RPS6KC1: variants seen among roughly 807,000 people sequenced by gnomAD.
RPS6KC1 encodes the protein inactive ribosomal protein S6 kinase delta-1.
Under a neutral mutation model 103.8 loss-of-function variants are expected in RPS6KC1, and 54 were observed. The ratio of observed to expected loss-of-function variants is 0.52; its 90% CI spans 0.42 to 0.65. The LOEUF is 0.65. Ranked by LOEUF, RPS6KC1 falls within the 30% of genes least tolerant of loss-of-function variation. The pLI, the probability that RPS6KC1 is intolerant of heterozygous loss-of-function variation, is 0.00. For missense variants in RPS6KC1, 1,151 were observed against 1,253.8 expected, an observed-to-expected ratio of 0.92 and a Z score of 1.24; for synonymous variants, 439 against 438.7, an observed-to-expected ratio of 1.00 and a Z score of -0.01.
At chr1:213,073,228 G>A (rs2079032639) in intron 2 of RPS6KC1, among the ~76,000 whole-genome samples, 1 of 152,010 alleles carries the variant, frequency 6.6e-6, no homozygotes, top group African/African-American at 2.4e-5. Flanking sequence ...TTATTCATTT[G>A]TTACTGCTTT....
At chr1:213,557,496 G>T in the RPS6KC1 span, among the ~76,000 whole-genome samples, 2 of 152,168 alleles carry the variant, frequency 1.3e-5, no homozygotes, top group Admixed American at 1.3e-4. Flanking sequence ...TGGGACCCTG[G>T]GATTAACTCC....
the RPS6KC1 span, among the ~76,000 whole-genome samples, chr1:213,604,519 C>A: frequency 6.6e-6 from 1 of 152,236 alleles, no homozygotes; most frequent in African/African-American, 2.4e-5. Flanking sequence ...TGTCATTGAA[C>A]CCCCGCCCTG....
rs543068720 is a variant in RPS6KC1, at chr1:213,084,213, A to G, written c.262+6397A>G. On this transcript the variant is annotated intron_variant, in intron 3 of 14. Coordinates refer to ENST00000366960, the MANE Select transcript of RPS6KC1 (RefSeq NM_012424.6). Reference sequence around the variant, plus strand: ...TTTCTCCCCCAGCACACACATATAAAATATATGCACGTAATTTTACATTAT... The same window carrying G: ...TTTCTCCCCCAGCACACACATATAAGATATATGCACGTAATTTTACATTAT... Among the ~76,000 whole-genome samples the G allele has an allele frequency of 2.0e-5, 3 of 151,922 alleles. No homozygotes were observed. In the South Asian group the frequency reaches 6.3e-4, roughly 32 times the overall value.
chr1:213,312,782 C>T, the RPS6KC1 span, among the ~76,000 whole-genome samples: 1 of 152,208 alleles, frequency 6.6e-6, no homozygotes, highest in Admixed American at 6.5e-5. Flanking sequence ...AATTACCTTT[C>T]TCGAGGTGTT....
chr1:213,171,482 G>T (rs186336844), intron 7 of RPS6KC1, among the ~76,000 whole-genome samples: 17 of 151,804 alleles, frequency 1.1e-4, no homozygotes, highest in African/African-American at 4.1e-4. Context: ...TGAAACTAAA[G>T]ATCAAATTTA....
At chr1:213,638,021 A>G in the RPS6KC1 span, among the ~76,000 whole-genome samples, 6 of 151,728 alleles carry the variant, frequency 4.0e-5, no homozygotes, top group African/African-American at 1.5e-4. Flanking sequence ...GTCTTGCTGT[A>G]TTGCCCAGGC....
chr1:213,498,234 C>G, the RPS6KC1 span, among the ~76,000 whole-genome samples: 1 of 152,114 alleles, frequency 6.6e-6, no homozygotes, highest in South Asian at 2.1e-4. Context: ...TGAATATATG[C>G]TAAAAGATGT....
At chr1:213,726,272 G>A in the RPS6KC1 span, among the ~76,000 whole-genome samples, 1 of 152,116 alleles carries the variant, frequency 6.6e-6, no homozygotes. Context: ...TTTCTGGAGA[G>A]AGGGGTTGCC....
At chr1:213,494,984 T>C in the RPS6KC1 span, among the ~76,000 whole-genome samples, 3 of 152,216 alleles carry the variant, frequency 2.0e-5, no homozygotes, top group African/African-American at 7.2e-5. Flanking sequence ...TTAGCTACAT[T>C]AAATTTCAGA....
chr1:213,118,634 C>T (rs2083986084), intron 5 of RPS6KC1, among the ~76,000 whole-genome samples: 1 of 151,850 alleles, frequency 6.6e-6, no homozygotes, highest in South Asian at 2.1e-4. Flanking sequence ...ATTATGTGGG[C>T]TGGTGCACTT....
the RPS6KC1 span, among the ~76,000 whole-genome samples, chr1:213,554,238 C>T: frequency 1.5e-4 from 23 of 152,160 alleles, no homozygotes; most frequent in Non-Finnish European, 1.9e-4. Context: ...CAATCTTCTG[C>T]ATATGGCTAA....
intron 6 of RPS6KC1, among the ~76,000 whole-genome samples, chr1:213,146,503 A>C (rs1572827938): frequency 6.6e-6 from 1 of 150,878 alleles, no homozygotes; most frequent in Non-Finnish European, 1.5e-5. Flanking sequence ...GCTCACTGCA[A>C]CCTCCACCTC....
At chr1:213,712,885 T>C in the RPS6KC1 span, among the ~76,000 whole-genome samples, 1 of 151,956 alleles carries the variant, frequency 6.6e-6, no homozygotes, top group Non-Finnish European at 1.5e-5. Flanking sequence ...AGGTAACTCA[T>C]TGGAGATGCA....
At chr1:213,174,621 G>A (rs1464987560) in intron 7 of RPS6KC1, among the ~76,000 whole-genome samples, 1 of 135,638 alleles carries the variant, frequency 7.4e-6, no homozygotes, top group African/African-American at 2.8e-5. Context: ...AGTGAGCCAA[G>A]ATTGAGCCGC....
chr1:213,240,839 A>G lies in RPS6KC1; in HGVS notation c.1363A>G (p.Ser455Gly), dbSNP rs2094333897. The G allele has an allele frequency of 6.2e-7, 1 of 1,613,956 alleles. No homozygotes were observed. Among genetic ancestry groups the G allele is most frequent in the Non-Finnish European group, 8.5e-7 (1 of 1,179,896 alleles). The change falls in exon 11 of 15, where the codon AGC becomes GGC. Residue 455 changes from serine to glycine, a missense_variant. Around this residue, in one of 3 missense-constraint regions of RPS6KC1, gnomAD observed 959 missense variants for 1,006.3 expected, o/e 0.95. Coordinates refer to ENST00000366960, the MANE Select transcript of RPS6KC1 (RefSeq NM_012424.6). ...QPTSSPQDSS[S>G]FESRGSDGGS... ...AACTTCTAGTCCTCAGGACAGCAGT[A>G]GCTTTGAATCCAGAGGAAGTGATGG...
chr1:213,799,577 G>A, the RPS6KC1 span, among the ~76,000 whole-genome samples: 2 of 152,238 alleles, frequency 1.3e-5, no homozygotes, highest in Admixed American at 6.5e-5. Context: ...TTTATGGTAT[G>A]CTCTGTGAGC....
chr1:213,774,846 T>C, the RPS6KC1 span, among the ~76,000 whole-genome samples: 3 of 152,230 alleles, frequency 2.0e-5, no homozygotes, highest in African/African-American at 7.2e-5. Context: ...GTGTTCATTC[T>C]GCAAATATAT....
chr1:213,355,324 G>A, the RPS6KC1 span, among the ~76,000 whole-genome samples: 8 of 152,230 alleles, frequency 5.3e-5, no homozygotes, highest in African/African-American at 1.2e-4. Flanking sequence ...GTACAAGGGC[G>A]TGTCATTTTC....
chr1:213,370,125 T>C, the RPS6KC1 span, among the ~76,000 whole-genome samples: 2 of 152,176 alleles, frequency 1.3e-5, no homozygotes, highest in African/African-American at 2.4e-5. Context: ...AAAAAGATGC[T>C]GTGCAAAAGA....
Sources: allele counts gnomAD v4.1 joint callset (sites outside exome capture counted in the v4.1 genomes callset), GRCh38; gene constraint gnomAD v4.1.1; regional missense constraint gnomAD v4.1.1; transcripts MANE v1.5; gene names NCBI Gene and HGNC (gene_info 2026-07-23, HGNC 2026-07-21).